The following FGF14 variants were observed in gnomAD, a reference collection of about 807,000 sequenced individuals.
FGF14 encodes the protein fibroblast growth factor homologous factor 4.
A neutral mutation model predicts 25.5 loss-of-function variants in FGF14; 5 were observed. The observed-to-expected ratio is 0.20, with a 90% CI of 0.10 to 0.41. The LOEUF (loss-of-function observed/expected upper bound fraction) is 0.41. Ranked by LOEUF, FGF14 falls within the 10% of genes least tolerant of loss-of-function variation. The pLI, the probability that FGF14 is intolerant of heterozygous loss-of-function variation, is 1.00. For missense variants in FGF14, 222 were observed against 320.1 expected (o/e 0.69, Z 2.34); for synonymous variants, 138 against 118.3 (o/e 1.17, Z -1.08).
At chr13:101,839,182 G>A (rs2140311039) in intron 3 of FGF14, among the ~76,000 whole-genome samples, 2 of 152,102 alleles carry the variant, frequency 1.3e-5, no homozygotes, top group South Asian at 4.2e-4. Flanking sequence ...ACTGTTCCAT[G>A]TCTGATGAAA....
chr13:102,118,589 G>A (rs895613115), intron 1 of FGF14, among the ~76,000 whole-genome samples: 4 of 151,996 alleles, frequency 2.6e-5, no homozygotes, highest in Admixed American at 2.0e-4. Flanking sequence ...TTAACAGTAG[G>A]TTTTCAGAAT....
chr13:102,205,285 T>C (rs2049852513), intron 1 of FGF14, among the ~76,000 whole-genome samples: 3 of 152,116 alleles, frequency 2.0e-5, no homozygotes, highest in African/African-American at 2.4e-5. Flanking sequence ...AATATTGACC[T>C]TACAAAACTG....
chr13:101,909,872 GA>G (rs1233419831), intron 1 of FGF14, among the ~76,000 whole-genome samples: 4 of 152,176 alleles, frequency 2.6e-5, no homozygotes, highest in Admixed American at 6.5e-5. Context: ...ACTGGGTTAA[GA>G]AAATGTGGCA....
chr13:102,374,595 A>C (rs1326562335), intron 1 of FGF14, among the ~76,000 whole-genome samples: 1 of 142,284 alleles, frequency 7.0e-6, no homozygotes, highest in East Asian at 2.1e-4. Context: ...GTAAATTTTA[A>C]AGTTTCAGGT....
At chr13:102,260,368 T>A (rs1295287419) in intron 1 of FGF14, among the ~76,000 whole-genome samples, 1 of 152,232 alleles carries the variant, frequency 6.6e-6, no homozygotes, top group East Asian at 1.9e-4. Context: ...CAGTGTCAAA[T>A]GAAGATTGAG....
chr13:101,749,512 T>C (rs1453329143), intron 3 of FGF14, among the ~76,000 whole-genome samples: 2 of 152,052 alleles, frequency 1.3e-5, no homozygotes, highest in African/African-American at 4.8e-5. Flanking sequence ...ATGGTAAATT[T>C]TGTATTTTTA....
intron 3 of FGF14, among the ~76,000 whole-genome samples, chr13:101,785,552 A>T (rs1167695917): frequency 6.6e-6 from 1 of 152,152 alleles, no homozygotes; most frequent in Non-Finnish European, 1.5e-5. Flanking sequence ...CTAACTGGGT[A>T]CTACAAGTTA....
At chr13:102,007,208 A>G (rs2039852679) in intron 1 of FGF14, among the ~76,000 whole-genome samples, 1 of 152,236 alleles carries the variant, frequency 6.6e-6, no homozygotes, top group African/African-American at 2.4e-5. Context: ...TAGAGAAAAC[A>G]AAAGGAAAGG....
intron 1 of FGF14, among the ~76,000 whole-genome samples, chr13:102,100,921 G>A (rs552128680): frequency 1.3e-5 from 2 of 152,118 alleles, no homozygotes; most frequent in African/African-American, 2.4e-5. Context: ...CCAACATGGT[G>A]AAACTCTGTC....
chr13:102,293,546 T>C (rs1470137828), intron 1 of FGF14: 1 of 152,120 alleles, frequency 6.6e-6, no homozygotes, highest in African/African-American at 2.4e-5. Context: ...GATGGATAAA[T>C]AGTTTGCACC....
intron 1 of FGF14, among the ~76,000 whole-genome samples, chr13:102,391,193 G>C (rs1487259678): frequency 1.3e-5 from 2 of 152,144 alleles, no homozygotes; most frequent in Admixed American, 6.6e-5. Context: ...ACAAAATCTA[G>C]AATCGGATAG....
At chr13:101,821,051 C>T (rs1004114925) in intron 3 of FGF14, among the ~76,000 whole-genome samples, 1 of 148,432 alleles carries the variant, frequency 6.7e-6, no homozygotes, top group African/African-American at 2.5e-5. Flanking sequence ...GGGATTCACG[C>T]CATTCTCCTG....
chr13:102,197,286 A>AG (rs914064537), intron 1 of FGF14, among the ~76,000 whole-genome samples: 28 of 152,286 alleles, frequency 1.8e-4, no homozygotes, highest in African/African-American at 6.7e-4. Flanking sequence ...AATCATGAGT[A>AG]GGAAACAATT....
At chr13:102,131,952 G>A (rs547780465) in intron 1 of FGF14, among the ~76,000 whole-genome samples, 13 of 152,222 alleles carry the variant, frequency 8.5e-5, no homozygotes, top group African/African-American at 1.9e-4. Flanking sequence ...GTACTCTTAC[G>A]TCCTTGTAAA....
chr13:102,221,979 T>C (rs910564800), intron 1 of FGF14, among the ~76,000 whole-genome samples: 1 of 152,156 alleles, frequency 6.6e-6, no homozygotes, highest in African/African-American at 2.4e-5. Context: ...AGAAAATGAT[T>C]AGGAGTCAGA....
At chr13:101,889,315 C>T (rs139384839) in intron 1 of FGF14, among the ~76,000 whole-genome samples, 324 of 152,282 alleles carry the variant, frequency 2.1e-3, no homozygotes, top group African/African-American at 7.5e-3. Flanking sequence ...ATGTAGCTAA[C>T]TATGAGAAAA....
chr13:102,147,464 G>A (rs1156557344), intron 1 of FGF14, among the ~76,000 whole-genome samples: 1 of 152,182 alleles, frequency 6.6e-6, no homozygotes, highest in Non-Finnish European at 1.5e-5. Context: ...AATAAAGCAT[G>A]CCTACTTTCC....
Position 101,722,603 on chromosome 13 carries a change from A to G in FGF14, c.*228T>C, listed in dbSNP as rs938879229. On this transcript the variant is annotated 3_prime_UTR_variant, in exon 5 of 5. Coordinates refer to ENST00000376143, the MANE Select transcript of FGF14 (RefSeq NM_004115.4). ...ATTAAAAAGGCATTCCATATCTGGT[A>G]GGGCATTCCATGGTCTGAGTTTAGC... 4.8e-5 allele frequency: 28 copies of G among 583,004 alleles called. No homozygotes were observed. Among genetic ancestry groups the G allele is most frequent in the Non-Finnish European group, 8.0e-5 (26 of 325,666 alleles). The allele number at this position is 583,004 out of a possible 1,614,324, so 36.1% of individuals were successfully genotyped here.
chr13:102,337,874 G>A (rs1396767519), intron 1 of FGF14, among the ~76,000 whole-genome samples: 1 of 152,074 alleles, frequency 6.6e-6, no homozygotes, highest in Non-Finnish European at 1.5e-5. Context: ...AAATTAATAT[G>A]TGTACATTGC....
Sources: gnomAD v4.1 joint callset for allele counts (sites outside exome capture counted in the v4.1 genomes callset) on GRCh38, gnomAD v4.1.1 for gene constraint, MANE v1.5 for transcripts, NCBI Gene and HGNC (gene_info 2026-07-23, HGNC 2026-07-21) for gene names.